The following SDK2 variants were observed in gnomAD, a reference collection of about 807,000 sequenced individuals.
The protein encoded by SDK2 is protein sidekick-2.
A neutral mutation model predicts 253.9 loss-of-function variants in SDK2; 105 were observed. The ratio of observed to expected loss-of-function variants is 0.41; its 90% confidence interval spans 0.35 to 0.49. The LOEUF is 0.49. Ranked by LOEUF, SDK2 falls within the 20% of genes least tolerant of loss-of-function variation. The pLI is 0.06. For missense variants in SDK2, 2,608 were observed against 3,003.0 expected (o/e 0.87, Z 3.07); for synonymous variants, 1,249 against 1,234.9 (o/e 1.01, Z -0.24).
chr17:73,643,981 T>G lies in SDK2; in HGVS notation c.64+44A>C. The G allele has an allele frequency of 2.7e-5, 9 of 331,314 alleles. No homozygotes were observed. The highest frequency in any genetic ancestry group is 4.3e-5 in the Non-Finnish European group (8 of 184,878). 20.5% of individuals were successfully genotyped at this position (331,314 alleles called of 1,614,324 possible). ...CTCCCGCCGCCCCTCCCCCGCCCACTCTCCCAGCCCCCTCCCTGTCCCCAC... is the reference window on the plus strand; with the variant it reads ...CTCCCGCCGCCCCTCCCCCGCCCACGCTCCCAGCCCCCTCCCTGTCCCCAC... On this transcript the variant is annotated intron_variant, in intron 1 of 44. Transcript: ENST00000392650. This position sits in a 1 kb window ranked among gnomAD's most constrained non-coding sequence, Gnocchi z 6.9.
intron 15 of SDK2, among the ~76,000 whole-genome samples, chr17:73,419,715 AC>A (rs1165312263): frequency 0.1 from 7,622 of 74,494 alleles, 1,465 homozygotes; most frequent in African/African-American, 0.26. Flanking sequence ...ACCAAAAAAA[AC>A]AACAAAAAAA....
rs11288025 is a variant in SDK2 at position 73,557,306 on chromosome 17, A to AT, written c.65-49710dup. 1.5e-3 allele frequency among the ~76,000 whole-genome samples: 220 copies of AT among 146,394 alleles called. 1 individual carries two copies. The highest frequency in any genetic ancestry group is 4.0e-3 in the Admixed American group (58 of 14,658). On this transcript the variant is annotated intron_variant, in intron 1 of 44. Coordinates refer to ENST00000392650, the MANE Select transcript of SDK2 (RefSeq NM_001144952.2). ...TTTGCAGGAGCTGCTGTACCTCGAG[A>AT]TTTTTTTTTTTTTTTGAGACAGGGT...
chr17:73,490,534 T>A (rs1424616511), intron 2 of SDK2, among the ~76,000 whole-genome samples: 3 of 151,412 alleles, frequency 2.0e-5, no homozygotes, highest in African/African-American at 7.3e-5. Context: ...TTTTTTTTTT[T>A]TTTTTTTGAG....
At chr17:73,407,133 A>G (rs8082141) in intron 18 of SDK2, among the ~76,000 whole-genome samples, 31,902 of 152,206 alleles carry the variant, frequency 0.21, 3,822 homozygotes, top group African/African-American at 0.33. Context: ...AGAAACAACA[A>G]CCATTTCTGG....
intron 25 of SDK2, among the ~76,000 whole-genome samples, chr17:73,394,890 T>A (rs368533365): frequency 3.9e-5 from 6 of 152,238 alleles, no homozygotes; most frequent in East Asian, 3.9e-4. Flanking sequence ...GCAGTATGAA[T>A]GGTGGAGCCT....
chr17:73,408,511 A>T (rs1384373204), intron 18 of SDK2, among the ~76,000 whole-genome samples: 1 of 152,208 alleles, frequency 6.6e-6, no homozygotes, highest in Non-Finnish European at 1.5e-5. Context: ...GGCGTGAGCC[A>T]TCACACCCCG....
At chr17:73,606,550 C>T (rs1252611841) in intron 1 of SDK2, among the ~76,000 whole-genome samples, 5 of 152,160 alleles carry the variant, frequency 3.3e-5, no homozygotes, top group Non-Finnish European at 7.3e-5. Context: ...GCCACGAAGG[C>T]GGGTTTCACC....
At chr17:73,406,599 CAG>C in intron 18 of SDK2, among the ~76,000 whole-genome samples, 1 of 152,162 alleles carries the variant, frequency 6.6e-6, no homozygotes, top group African/African-American at 2.4e-5. Context: ...ACCAAGAAAA[CAG>C]AAAGCAATCA....
At chr17:73,591,507 T>C (rs2045681534) in intron 1 of SDK2, among the ~76,000 whole-genome samples, 1 of 152,164 alleles carries the variant, frequency 6.6e-6, no homozygotes, top group Non-Finnish European at 1.5e-5. Flanking sequence ...CACTTGAACT[T>C]CCCTTCAGAC....
At chr17:73,627,421 C>T (rs963204480) in intron 1 of SDK2, among the ~76,000 whole-genome samples, 1 of 152,182 alleles carries the variant, frequency 6.6e-6, no homozygotes, top group Non-Finnish European at 1.5e-5. Context: ...CTTTCAGCGA[C>T]GCCTCCTTCC....
intron 6 of SDK2, among the ~76,000 whole-genome samples, chr17:73,439,969 G>A (rs1048346518): frequency 2.6e-5 from 4 of 152,116 alleles, no homozygotes; most frequent in Admixed American, 6.5e-5. Context: ...TGCAGGGCAC[G>A]GAAGGCACTT....
chr17:73,610,936 C>G (rs961688255), intron 1 of SDK2, among the ~76,000 whole-genome samples: 1 of 152,136 alleles, frequency 6.6e-6, no homozygotes, highest in Admixed American at 6.5e-5. Flanking sequence ...CCCCCCACCT[C>G]CCAGTTCTCA....
Position 73,383,550 on chromosome 17 carries a change from C to A in SDK2, c.4705+326G>T, listed in dbSNP as rs977851270. Reference sequence around the variant, plus strand: ...AGCGCCAGTGCTGGTGCCGGGGAAGCCTTGCCTGTCCCTGGCTTTAGGTCC... The same window carrying A: ...AGCGCCAGTGCTGGTGCCGGGGAAGACTTGCCTGTCCCTGGCTTTAGGTCC... On this transcript the variant is annotated intron_variant, in intron 33 of 44. Coordinates refer to ENST00000392650, the MANE Select transcript of SDK2 (RefSeq NM_001144952.2). The surrounding 1 kb of genome is among the most constrained non-coding windows in gnomAD (Gnocchi z 4.3). Among the ~76,000 whole-genome samples the A allele has an allele frequency of 6.6e-6, 1 of 152,302 alleles. No homozygotes were observed. Among genetic ancestry groups the A allele is most frequent in the South Asian group, 2.1e-4 (1 of 4,828 alleles).
At chr17:73,454,661 A>C (rs1321822137) in intron 4 of SDK2, among the ~76,000 whole-genome samples, 1 of 152,240 alleles carries the variant, frequency 6.6e-6, no homozygotes, top group East Asian at 1.9e-4. Context: ...AGGACATAGC[A>C]GCCATTCAAT....
intron 6 of SDK2, among the ~76,000 whole-genome samples, chr17:73,440,500 C>T (rs1443155751): frequency 6.6e-6 from 1 of 152,216 alleles, no homozygotes; most frequent in East Asian, 1.9e-4. Flanking sequence ...AGGCCACCCA[C>T]TCCCTCTGGG....
chr17:73,401,908 G>A (rs190283588), intron 19 of SDK2, 38 bp downstream of exon 19: 4 of 1,355,544 alleles, frequency 3.0e-6, no homozygotes, highest in African/African-American at 1.5e-5. Context: ...GGCCTTGGGC[G>A]GGGGGGGGCA....
In SDK2 at chr17:73,383,600, C is replaced by T. The variant is rs957694682; in HGVS notation, c.4705+276G>A. On this transcript the variant is annotated intron_variant, in intron 33 of 44. Coordinates refer to ENST00000392650, the MANE Select transcript of SDK2 (RefSeq NM_001144952.2). This position sits in a 1 kb window ranked among gnomAD's most constrained non-coding sequence, Gnocchi z 4.3. ...CTCCTAGAATGTTTCCTTCCCAGCTCGCCTGGCTCCTCCTCCAGCCTGCAA... is the reference window on the plus strand; with the variant it reads ...CTCCTAGAATGTTTCCTTCCCAGCTTGCCTGGCTCCTCCTCCAGCCTGCAA... Among the ~76,000 whole-genome samples, 2 of 152,214 alleles carry T rather than the reference C, an allele frequency of 1.3e-5. No individual in the cohort carries two copies. The highest frequency in any genetic ancestry group is 4.1e-4 in the South Asian group (2 of 4,834).
rs763350090 is a variant in SDK2, at chr17:73,368,462, G to A, written c.5112C>T (p.Asn1704=). 30 of 1,606,406 alleles carry A rather than the reference G, an allele frequency of 1.9e-5. No homozygotes were observed. Among genetic ancestry groups the A allele is most frequent in the South Asian group, 3.3e-5 (3 of 89,590 alleles). Residue 1704 remains asparagine, a synonymous_variant, in exon 37 of 45, where the codon AAC becomes AAT. Coordinates refer to ENST00000392650, the MANE Select transcript of SDK2 (RefSeq NM_001144952.2). ...TAYMVSVAAF[N]AAGDGPRSTP... The stretch of plus-strand genomic sequence containing the variant: ...TGCTCCGAGGCCCATCCCCAGCGGC[G>A]TTGAAGGCGGCCACGCTGACCATGT...
At chr17:73,354,826 C>G (rs1015789656) in intron 40 of SDK2, among the ~76,000 whole-genome samples, 1 of 152,272 alleles carries the variant, frequency 6.6e-6, no homozygotes, top group African/African-American at 2.4e-5. Flanking sequence ...TGAAGCTGCT[C>G]TCCCGCCAGA....
Sources: gnomAD v4.1 joint callset for allele counts (sites outside exome capture counted in the v4.1 genomes callset) on GRCh38, gnomAD v4.1.1 for gene constraint, Gnocchi (gnomAD v3.1) non-coding constraint, MANE v1.5 for transcripts, NCBI Gene and HGNC (gene_info 2026-07-23, HGNC 2026-07-21) for gene names.